ADAM28: variants seen among roughly 807,000 people sequenced by gnomAD.
ADAM28 encodes the protein disintegrin and metalloproteinase domain-containing protein 28.
ADAM28 carries 105 observed loss-of-function variants against 101.2 expected under a neutral mutation model. The observed-to-expected ratio is 1.04, with a 90% CI of 0.89 to 1.22. The LOEUF is 1.22. ADAM28 is among the 50% of genes most tolerant of loss of function. The pLI is 0.00. For synonymous variants in ADAM28, 322 were observed against 310.6 expected, an observed-to-expected ratio of 1.04 and a Z score of -0.39; for missense variants, 1,028 against 945.4, an observed-to-expected ratio of 1.09 and a Z score of -1.15.
At position 24,298,453 on chromosome 8, in the gene ADAM28, G is replaced by C. The variant is rs922588910; in HGVS notation, c.47-1521G>C. Among the ~76,000 whole-genome samples the C allele has an allele frequency of 2.0e-4, 31 of 152,164 alleles. 1 individual carries two copies. The highest frequency in any genetic ancestry group is 1.0e-4 in the Non-Finnish European group (7 of 67,986). ...CTGTTTTTTGAAAGTTTATGCTTTAGTTTCTGAAGAAAACTTTAAACAATG... is the reference window on the plus strand; with the variant it reads ...CTGTTTTTTGAAAGTTTATGCTTTACTTTCTGAAGAAAACTTTAAACAATG... On this transcript the variant is annotated intron_variant, in intron 1 of 22. Coordinates refer to ENST00000265769, the MANE Select transcript of ADAM28 (RefSeq NM_014265.6).
At chr8:24,322,091 C>T (rs943373922) in intron 8 of ADAM28, among the ~76,000 whole-genome samples, 17 of 151,766 alleles carry the variant, frequency 1.1e-4, no homozygotes, top group Non-Finnish European at 2.2e-4. Flanking sequence ...GTGATTACCA[C>T]AGTCAATATA....
intron 20 of ADAM28, 127 bp from the exon 21 acceptor site, chr8:24,351,860 A>G (rs1213404674): frequency 1.4e-5 from 11 of 783,094 alleles, no homozygotes; most frequent in African/African-American, 5.2e-5. Context: ...GTGATTTTCT[A>G]TCTGGTCTCT....
In ADAM28 at chr8:24,332,560, G is replaced by A. The variant is rs992137764; in HGVS notation, c.1282-100G>A. On this transcript the variant is annotated intron_variant, in intron 12 of 22. Coordinates refer to ENST00000265769, the MANE Select transcript of ADAM28 (RefSeq NM_014265.6). Reference sequence around the variant, plus strand: ...TGAAAAAGTCCTATTTAGACTCCACGAAAGTAACATATGCCTGATGAATAT... The same window carrying A: ...TGAAAAAGTCCTATTTAGACTCCACAAAAGTAACATATGCCTGATGAATAT... 39 of 572,024 alleles carry A rather than the reference G, an allele frequency of 6.8e-5. No homozygotes were observed. In the Admixed American group the frequency reaches 7.4e-4, roughly 11 times the overall value. 35.4% of individuals were successfully genotyped at this position (572,024 alleles called of 1,614,324 possible). A position where few individuals can be genotyped will look rare whatever the true frequency, so the allele number is the denominator to read the frequency against.
Position 24,331,099 on chromosome 8 carries a change from G to A in ADAM28, c.1104-51G>A, listed in dbSNP as rs757290560. On this transcript the variant is annotated intron_variant, in intron 11 of 22. Coordinates refer to ENST00000265769, the MANE Select transcript of ADAM28 (RefSeq NM_014265.6). ...TGTGCCTAATGTCAGATACTGCTTCGCACATGTTAAGCATGACTATATTCC... is the reference window on the plus strand; with the variant it reads ...TGTGCCTAATGTCAGATACTGCTTCACACATGTTAAGCATGACTATATTCC... 67 of 1,517,538 alleles carry A rather than the reference G, an allele frequency of 4.4e-5. 1 individual carries two copies. The highest frequency in any genetic ancestry group is 3.6e-4 in the Middle Eastern group (2 of 5,628). 94.0% of individuals were successfully genotyped at this position (1,517,538 alleles called of 1,614,324 possible). A position where few individuals can be genotyped will look rare whatever the true frequency, so the allele number is the denominator to read the frequency against.
chr8:24,346,480 C>G (rs1199606964), intron 18 of ADAM28, among the ~76,000 whole-genome samples: 1 of 152,034 alleles, frequency 6.6e-6, no homozygotes, highest in Non-Finnish European at 1.5e-5. Flanking sequence ...TCCTTTAAAT[C>G]TTATGCCTTT....
At position 24,325,871 on chromosome 8, in the gene ADAM28, C is replaced by CAAAAAAAAAAAAAAAAAAA. The variant is rs5890146; in HGVS notation, c.891-672_891-654dup. Among the ~76,000 whole-genome samples the CAAAAAAAAAAAAAAAAAAA allele has an allele frequency of 2.4e-3, 48 of 20,410 alleles. 6 individuals carry two copies. The highest frequency in any genetic ancestry group is 6.3e-3 in the South Asian group (2 of 318). The allele number at this position is 20,410 out of a possible 152,430, so 13.4% of individuals were successfully genotyped here. On this transcript the variant is annotated intron_variant, in intron 9 of 22. Coordinates refer to ENST00000265769, the MANE Select transcript of ADAM28 (RefSeq NM_014265.6). ...AAGGGCCAGGATCTTGTACAGATAG[C>CAAAAAAAAAAAAAAAAAAA]AAAAAAAAAAAAAAAAAAAAAAAAA...
chr8:24,347,782 A>T (rs183411022), intron 18 of ADAM28, among the ~76,000 whole-genome samples: 1 of 152,172 alleles, frequency 6.6e-6, no homozygotes, highest in Admixed American at 6.5e-5. Context: ...TATCTAGTAC[A>T]CTTCTTACCT....
At chr8:24,330,177 G>A (rs1813186475) in intron 11 of ADAM28, 62 bp downstream of exon 11, 2 of 1,534,848 alleles carry the variant, frequency 1.3e-6, no homozygotes, top group Non-Finnish European at 1.8e-6. Context: ...ACTGTGGGCT[G>A]TACTACTTTA....
At position 24,352,938 on chromosome 8, in the gene ADAM28, G is replaced by A. The variant is rs1816344589; in HGVS notation, c.2245-832G>A. Among the ~76,000 whole-genome samples, 2 of 152,194 alleles carry A rather than the reference G, an allele frequency of 1.3e-5. 1 individual carries two copies. The highest frequency in any genetic ancestry group is 4.2e-4 in the South Asian group (2 of 4,818). ...CTTCTTTGCTTGTAAGTATCAGATA[G>A]TCATTGGTGAATTTTTAATCTCTCA... On this transcript the variant is annotated intron_variant, in intron 21 of 22. Coordinates refer to ENST00000265769, the MANE Select transcript of ADAM28 (RefSeq NM_014265.6).
chr8:24,331,083 T>A, intron 11 of ADAM28, 67 bp from the exon 12 acceptor site: 1 of 1,449,636 alleles, frequency 6.9e-7, no homozygotes, highest in South Asian at 1.5e-5. Context: ...TTGTGCCTAA[T>A]GTCAGATACT....
intron 18 of ADAM28, among the ~76,000 whole-genome samples, chr8:24,344,851 TCC>T (rs1422576291): frequency 6.6e-6 from 1 of 152,148 alleles, no homozygotes; most frequent in East Asian, 1.9e-4. Context: ...TAACAATGCA[TCC>T]ACATAAAACT....
chr8:24,341,787 A>G (rs371074300), intron 16 of ADAM28, 30 bp downstream of exon 16: 30 of 1,612,876 alleles, frequency 1.9e-5, no homozygotes, highest in Non-Finnish European at 2.5e-5. Context: ...TTCACTCAAA[A>G]TAGTGTTTTT....
At chr8:24,334,849 A>G (rs1813805993) in intron 13 of ADAM28, among the ~76,000 whole-genome samples, 5 of 152,228 alleles carry the variant, frequency 3.3e-5, no homozygotes, top group Admixed American at 3.3e-4. Flanking sequence ...ATTTGCAGTA[A>G]TTGATTACAA....
chr8:24,317,545 A>C (rs1811318311), intron 6 of ADAM28, among the ~76,000 whole-genome samples: 1 of 152,072 alleles, frequency 6.6e-6, no homozygotes, highest in South Asian at 2.1e-4. Flanking sequence ...AAAATGAAAA[A>C]GAAACCTAAA....
chr8:24,306,392 ATATATATATATATGTTCCACAC>A (rs1809695444), intron 2 of ADAM28, among the ~76,000 whole-genome samples: 1 of 135,624 alleles, frequency 7.4e-6, no homozygotes, highest in Non-Finnish European at 1.6e-5. Context: ...ATATTTAAAA[ATATATATATATATGTTCCACAC>A]AACACTTCTG....
intron 6 of ADAM28, among the ~76,000 whole-genome samples, chr8:24,318,604 A>G (rs1034044450): frequency 2.0e-5 from 3 of 151,850 alleles, no homozygotes; most frequent in African/African-American, 7.3e-5. Flanking sequence ...CAAAAGAACT[A>G]CCAATTTCTA....
At chr8:24,327,600 C>A (rs1185692907) in intron 10 of ADAM28, among the ~76,000 whole-genome samples, 2 of 151,994 alleles carry the variant, frequency 1.3e-5, no homozygotes, top group Non-Finnish European at 2.9e-5. Context: ...GAAAAAAGAA[C>A]AAAGCTGGAG....
At chr8:24,343,291 A>G (rs1815012011) in intron 17 of ADAM28, 110 bp downstream of exon 17, 1 of 1,335,910 alleles carries the variant, frequency 7.5e-7, no homozygotes, top group Non-Finnish European at 1.0e-6. Context: ...ATAATTACTA[A>G]GTTTATCCAA....
intron 4 of ADAM28, 150 bp downstream of exon 4, chr8:24,310,391 G>C: frequency 1.4e-6 from 1 of 703,022 alleles, no homozygotes; most frequent in South Asian, 2.3e-5. Flanking sequence ...ATAAAAAAAA[G>C]AAAAGTGGAA....
Sources: gnomAD v4.1 joint callset for allele counts (sites outside exome capture counted in the v4.1 genomes callset) on GRCh38, gnomAD v4.1.1 for gene constraint, MANE v1.5 for transcripts, NCBI Gene and HGNC (gene_info 2026-07-23, HGNC 2026-07-21) for gene names.